SRGAP3: variants seen among roughly 807,000 people sequenced by gnomAD.
The protein encoded by SRGAP3 is SLIT-ROBO Rho GTPase activating protein 3.
SRGAP3 carries 39 observed loss-of-function variants against 121.1 expected under a neutral mutation model. That is an observed-to-expected ratio of 0.32 (90% CI 0.25 to 0.42). SRGAP3 has a LOEUF of 0.42. Among genes scored for constraint, SRGAP3 ranks in the 10% least tolerant of loss-of-function variants. SRGAP3 has a pLI of 1.00. For synonymous variants in SRGAP3, 601 were observed against 570.0 expected (o/e 1.05, Z -0.77); for missense variants, 1,213 against 1,470.6 (o/e 0.82, Z 2.86).
chr3:9,265,995 G>A (rs577095438), intron 3 of SRGAP3, among the ~76,000 whole-genome samples: 34 of 152,288 alleles, frequency 2.2e-4, no homozygotes, highest in Non-Finnish European at 4.4e-4. Flanking sequence ...ATGATAGACT[G>A]GATAAAGAAA....
chr3:9,182,598 C>T (rs1335992183), intron 1 of SRGAP3, among the ~76,000 whole-genome samples: 2 of 152,146 alleles, frequency 1.3e-5, no homozygotes, highest in African/African-American at 4.8e-5. Context: ...TGCTGTGTTA[C>T]AGCACTCCTG....
chr3:9,137,360 T>C lies in SRGAP3; in HGVS notation c.68-12443A>G, dbSNP rs73144579. On this transcript the variant is annotated intron_variant, in intron 1 of 21. Transcript: ENST00000383836. Reference sequence around the variant, plus strand: ...CAAATTTTATCTGCTTGCAGCTTTCTAGGGGATGGGGGAACACATATGCTG... The same window carrying C: ...CAAATTTTATCTGCTTGCAGCTTTCCAGGGGATGGGGGAACACATATGCTG... Among the ~76,000 whole-genome samples the C allele has an allele frequency of 8.2e-3, 1,254 of 152,282 alleles. 17 individuals carry two copies. The highest frequency in any genetic ancestry group is 0.028 in the African/African-American group (1,161 of 41,548).
At chr3:9,127,551 G>A (rs1949283663) in intron 1 of SRGAP3, among the ~76,000 whole-genome samples, 1 of 152,144 alleles carries the variant, frequency 6.6e-6, no homozygotes, top group Non-Finnish European at 1.5e-5. Flanking sequence ...GGGTTCAAGC[G>A]ATCCTCCTGC....
In SRGAP3 at chr3:9,060,125, C is replaced by A. The variant is rs750502225; in HGVS notation, c.801+106G>T. 1.7e-5 allele frequency: 27 copies of A among 1,568,936 alleles called. No homozygotes were observed. Among genetic ancestry groups the A allele is most frequent in the Non-Finnish European group, 4.4e-6 (5 of 1,146,650 alleles). On this transcript the variant is annotated intron_variant, in intron 6 of 21. Coordinates refer to ENST00000383836, the MANE Select transcript of SRGAP3 (RefSeq NM_014850.4). ...GCAGGGCTCAAAAGAGCTGTGGCTACCCGAGAATGTCAGGTAAAGACAAAG... is the reference window on the plus strand; with the variant it reads ...GCAGGGCTCAAAAGAGCTGTGGCTAACCGAGAATGTCAGGTAAAGACAAAG...
intron 1 of SRGAP3, among the ~76,000 whole-genome samples, chr3:9,176,294 C>A (rs931144284): frequency 8.5e-5 from 13 of 152,164 alleles, no homozygotes; most frequent in Admixed American, 7.9e-4. Context: ...ATCTGTCACA[C>A]AAGGCTATGA....
At chr3:9,232,115 A>G (rs1953232865) in intron 1 of SRGAP3, among the ~76,000 whole-genome samples, 1 of 152,334 alleles carries the variant, frequency 6.6e-6, no homozygotes, top group African/African-American at 2.4e-5. Flanking sequence ...TCGGTAAAAT[A>G]TTACGTTTCA....
rs1943469475 is a variant in SRGAP3 at position 9,013,409 on chromosome 3, G to A, written c.2046C>T (p.Val682=). ...CATGATGGATGATGATGGTTTTGAT[G>A]ACTTCATTGATGTGTGCCTGGCAGG... ...PVSCQAHINE[V]IKTIIIHHEA... The change falls in exon 17 of 22, where the codon GTC becomes GTT. Residue 682 remains valine, a synonymous_variant. Coordinates refer to ENST00000383836, the MANE Select transcript of SRGAP3 (RefSeq NM_014850.4). 1 of 1,614,114 alleles carries A rather than the reference G, an allele frequency of 6.2e-7. No individual in the cohort carries two copies. The highest frequency in any genetic ancestry group is 8.5e-7 in the Non-Finnish European group (1 of 1,180,026).
At chr3:9,152,858 G>GATATAACTT (rs1950259760) in intron 1 of SRGAP3, among the ~76,000 whole-genome samples, 1 of 151,550 alleles carries the variant, frequency 6.6e-6, no homozygotes, top group Non-Finnish European at 1.5e-5. Context: ...TCAACATGAG[G>GATATAACTT]GTATAACTTG....
At chr3:9,123,762 GTATATA>G (rs1949113282) in intron 2 of SRGAP3, among the ~76,000 whole-genome samples, 4 of 149,112 alleles carry the variant, frequency 2.7e-5, no homozygotes, top group African/African-American at 2.5e-5. Context: ...GTGTATGTGT[GTATATA>G]TGTATGTGTG....
intron 1 of SRGAP3, among the ~76,000 whole-genome samples, chr3:9,353,551 T>C (rs565342601): frequency 1.3e-5 from 2 of 152,296 alleles, no homozygotes; most frequent in South Asian, 2.1e-4. Flanking sequence ...ACCAACAAGC[T>C]CTCACAGGGG....
Position 9,309,792 on chromosome 3 carries a change from G to A in SRGAP3, n.442+16218C>T, listed in dbSNP as rs372291664. Among the ~76,000 whole-genome samples, 12 of 152,158 alleles carry A rather than the reference G, an allele frequency of 7.9e-5. 1 individual carries two copies. The East Asian group carries it at 1.3e-3, about 17-fold the overall frequency. On this transcript the variant is annotated intron_variant and non_coding_transcript_variant, in intron 3 of 3. Transcript: ENST00000490889. ...GAGGACTGCTTGAACATGGGAGGTC[G>A]AGGCTGCAGGGAGCCATGATCACCA...
At chr3:9,074,290 G>C (rs1946855786) in intron 4 of SRGAP3, among the ~76,000 whole-genome samples, 1 of 152,162 alleles carries the variant, frequency 6.6e-6, no homozygotes, top group Non-Finnish European at 1.5e-5. Context: ...TCAGGACTCA[G>C]GTTTGCTAGG....
intron 1 of SRGAP3, among the ~76,000 whole-genome samples, chr3:9,149,014 G>A (rs1308354572): frequency 1.3e-5 from 2 of 152,044 alleles, no homozygotes; most frequent in Non-Finnish European, 1.5e-5. Context: ...GGGAGTTCGA[G>A]ACGAGCCTGG....
chr3:9,233,336 C>T (rs947013712), intron 1 of SRGAP3, among the ~76,000 whole-genome samples: 9 of 152,176 alleles, frequency 5.9e-5, no homozygotes, highest in Admixed American at 2.0e-4. Context: ...CCTCCTTCCA[C>T]GTTACATTCC....
chr3:9,072,128 GCCA>G (rs1946750918), intron 4 of SRGAP3, among the ~76,000 whole-genome samples: 1 of 152,114 alleles, frequency 6.6e-6, no homozygotes, highest in Non-Finnish European at 1.5e-5. Flanking sequence ...ATCCCAACCG[GCCA>G]GGCTCAGTGC....
At chr3:9,042,626 GA>G (rs749517776) in intron 10 of SRGAP3, among the ~76,000 whole-genome samples, 9 of 152,194 alleles carry the variant, frequency 5.9e-5, no homozygotes, top group South Asian at 2.1e-4. Flanking sequence ...CAGGAAAGGA[GA>G]AAAGTTCGGT....
At chr3:9,069,426 G>C (rs142654671) in intron 4 of SRGAP3, among the ~76,000 whole-genome samples, 14 of 152,312 alleles carry the variant, frequency 9.2e-5, no homozygotes, top group Middle Eastern at 3.4e-3. Flanking sequence ...CTGAACTGGG[G>C]ATGTCTGAAG....
chr3:9,356,141 G>A (rs1466004746), intron 1 of SRGAP3, among the ~76,000 whole-genome samples: 7 of 151,100 alleles, frequency 4.6e-5, no homozygotes, highest in Admixed American at 4.6e-4. Flanking sequence ...AACAACATGG[G>A]ATAGAGAGAT....
chr3:9,351,817 A>C (rs2030181222), intron 1 of SRGAP3, among the ~76,000 whole-genome samples: 1 of 152,180 alleles, frequency 6.6e-6, no homozygotes. Flanking sequence ...ACCCCCAGTT[A>C]ACAGACAAAA....
Sources: gnomAD v4.1 joint callset for allele counts (sites outside exome capture counted in the v4.1 genomes callset) on GRCh38, gnomAD v4.1.1 for gene constraint, MANE v1.5 for transcripts, NCBI Gene and HGNC (gene_info 2026-07-23, HGNC 2026-07-21) for gene names.